WDR7: variants seen among roughly 807,000 people sequenced by gnomAD.
WDR7 encodes the protein WD repeat domain 7.
Under a neutral mutation model 169.4 loss-of-function variants are expected in WDR7, and 46 were observed. The ratio of observed to expected loss-of-function variants is 0.27; its 90% CI spans 0.21 to 0.35. The LOEUF (loss-of-function observed/expected upper bound fraction) is 0.35, where lower values mean the gene tolerates loss of function less well. WDR7 is among the 10% of genes least tolerant of loss of function. WDR7 has a pLI of 1.00. For synonymous variants in WDR7, 612 were observed against 666.8 expected (o/e 0.92, Z 1.27); for missense variants, 1,534 against 1,859.3 (o/e 0.83, Z 3.22).
At chr18:56,758,980 G>C (rs555161630) in intron 16 of WDR7, 27 bp downstream of exon 16, 1 of 1,571,878 alleles carries the variant, frequency 6.4e-7, no homozygotes, top group Non-Finnish European at 8.7e-7. Context: ...TTAAGTAATT[G>C]ACATGACATT....
chr18:56,925,591 T>C (rs556480371), intron 22 of WDR7, among the ~76,000 whole-genome samples: 63 of 152,336 alleles, frequency 4.1e-4, no homozygotes, highest in African/African-American at 1.4e-3. Flanking sequence ...AGTAGAGTTC[T>C]TAGCCCTTTG....
intron 20 of WDR7, among the ~76,000 whole-genome samples, chr18:56,863,730 T>C (rs946359085): frequency 4.6e-5 from 7 of 151,834 alleles, no homozygotes; most frequent in Non-Finnish European, 1.0e-4. Context: ...CAAGTATTAA[T>C]AGATGACTTT....
At chr18:56,753,047 G>A (rs1443868500) in intron 14 of WDR7, among the ~76,000 whole-genome samples, 1 of 152,132 alleles carries the variant, frequency 6.6e-6, no homozygotes, top group Non-Finnish European at 1.5e-5. Context: ...TTTGTGCTTT[G>A]CAGGTAAGTC....
chr18:56,753,156 A>G (rs1041382257), intron 14 of WDR7: 3 of 152,184 alleles, frequency 2.0e-5, no homozygotes, highest in Non-Finnish European at 4.4e-5. Flanking sequence ...GAGACCAGTT[A>G]AGGGGATTTG....
chr18:56,911,908 G>A (rs2046557068), intron 21 of WDR7, among the ~76,000 whole-genome samples: 1 of 152,140 alleles, frequency 6.6e-6, no homozygotes, highest in Admixed American at 6.5e-5. Flanking sequence ...CATTGTTTGG[G>A]TTTTATGTAC....
At chr18:56,702,737 G>A (rs540643698) in intron 12 of WDR7, among the ~76,000 whole-genome samples, 3 of 152,278 alleles carry the variant, frequency 2.0e-5, no homozygotes, top group East Asian at 1.9e-4. Context: ...TATTAAAACC[G>A]AAGGGAAAGC....
At chr18:56,865,004 T>A (rs201014525) in intron 20 of WDR7, among the ~76,000 whole-genome samples, 1 of 152,034 alleles carries the variant, frequency 6.6e-6, no homozygotes, top group South Asian at 2.1e-4. Context: ...ATTGATATCC[T>A]TTTTACTAAT....
intron 19 of WDR7, among the ~76,000 whole-genome samples, chr18:56,805,015 T>C (rs995664958): frequency 3.9e-5 from 6 of 152,116 alleles, no homozygotes; most frequent in African/African-American, 9.7e-5. Flanking sequence ...GGAAGACCAA[T>C]TGGATGGTTT....
At chr18:57,020,117 G>T (rs1451517589) in intron 26 of WDR7, among the ~76,000 whole-genome samples, 1 of 152,118 alleles carries the variant, frequency 6.6e-6, no homozygotes, top group South Asian at 2.1e-4. Context: ...ATTTGGCAGA[G>T]GTTCAAAACT....
intron 20 of WDR7, among the ~76,000 whole-genome samples, chr18:56,853,441 T>G (rs2045671028): frequency 1.3e-5 from 2 of 152,226 alleles, no homozygotes; most frequent in African/African-American, 2.4e-5. Context: ...GTTTCCTTTA[T>G]TTAATGCAGA....
chr18:56,832,236 G>A (rs1364912189), intron 20 of WDR7, among the ~76,000 whole-genome samples: 1 of 152,198 alleles, frequency 6.6e-6, no homozygotes, highest in East Asian at 1.9e-4. Context: ...AGCTTGGACT[G>A]GGCGGAGCCC....
intron 1 of WDR7, among the ~76,000 whole-genome samples, chr18:56,655,279 T>C (rs1001570587): frequency 6.6e-6 from 1 of 152,152 alleles, no homozygotes; most frequent in Non-Finnish European, 1.5e-5. Context: ...CTGTGTATAG[T>C]TCTGTGCCAT....
At chr18:56,927,709 G>T (rs1228147053) in intron 22 of WDR7, among the ~76,000 whole-genome samples, 1 of 152,128 alleles carries the variant, frequency 6.6e-6, no homozygotes, top group Admixed American at 6.5e-5. Flanking sequence ...ATCTACAGTT[G>T]TTTTCTAATG....
At chr18:56,988,153 C>A (rs1326758587) in intron 26 of WDR7, among the ~76,000 whole-genome samples, 1 of 152,180 alleles carries the variant, frequency 6.6e-6, no homozygotes, top group African/African-American at 2.4e-5. Flanking sequence ...CATCCGATTT[C>A]TTTTAGTCTT....
At chr18:56,678,848 G>C (rs1198558703) in intron 2 of WDR7, among the ~76,000 whole-genome samples, 1 of 152,192 alleles carries the variant, frequency 6.6e-6, no homozygotes, top group Non-Finnish European at 1.5e-5. Flanking sequence ...GCTTGGACAA[G>C]ATTCGGGACA....
chr18:56,883,371 C>G (rs1019033698), intron 21 of WDR7, among the ~76,000 whole-genome samples: 6 of 151,994 alleles, frequency 3.9e-5, no homozygotes, highest in Middle Eastern at 3.2e-3. Flanking sequence ...CACAGTTTAT[C>G]TTTACACAAA....
chr18:56,943,009 T>C lies in WDR7; in HGVS notation c.4064+3616T>C, dbSNP rs930323348. On this transcript the variant is annotated intron_variant, in intron 25 of 27. Transcript: ENST00000254442. ...AGCTTATGCTAAATGTGAGCTGCAA[T>C]AGATGATAAATTATAGAGGACTTCA... Among the ~76,000 whole-genome samples, 4 of 152,180 alleles carry C rather than the reference T, an allele frequency of 2.6e-5. No homozygotes were observed. In the East Asian group the frequency reaches 5.8e-4, roughly 22 times the overall value.
At chr18:56,715,905 C>G (rs1367805483) in intron 12 of WDR7, among the ~76,000 whole-genome samples, 1 of 151,980 alleles carries the variant, frequency 6.6e-6, no homozygotes, top group African/African-American at 2.4e-5. Context: ...AGCAACCAAC[C>G]CTTTTTATAA....
chr18:56,904,720 T>C (rs1447260600), intron 21 of WDR7, among the ~76,000 whole-genome samples: 1 of 152,158 alleles, frequency 6.6e-6, no homozygotes, highest in Non-Finnish European at 1.5e-5. Context: ...ATTAAGTGAC[T>C]ATGTGTAAGC....
Sources: gnomAD v4.1 joint callset for allele counts (sites outside exome capture counted in the v4.1 genomes callset) on GRCh38, gnomAD v4.1.1 for gene constraint, MANE v1.5 for transcripts, NCBI Gene and HGNC (gene_info 2026-07-23, HGNC 2026-07-21) for gene names.